The following AGBL1 variants were observed in gnomAD, a reference collection of about 807,000 sequenced individuals.
AGBL1 encodes the protein cytosolic carboxypeptidase 4.
Under a neutral mutation model 118.9 loss-of-function variants are expected in AGBL1, and 130 were observed. The observed-to-expected ratio is 1.09, with a 90% CI of 0.95 to 1.26. AGBL1 has a LOEUF of 1.26. AGBL1 is among the 50% of genes most tolerant of loss of function. The probability of loss-of-function intolerance (pLI) is 0.00; values close to 1 mark genes in which losing one functional copy is unlikely to be tolerated. For synonymous variants in AGBL1, 555 were observed against 478.9 expected, an observed-to-expected ratio of 1.16 and a Z score of -2.08; for missense variants, 1,584 against 1,298.1, an observed-to-expected ratio of 1.22 and a Z score of -3.38.
chr15:86,557,266 G>T (rs1407990086), intron 21 of AGBL1, among the ~76,000 whole-genome samples: 2 of 152,156 alleles, frequency 1.3e-5, no homozygotes, highest in African/African-American at 4.8e-5. Context: ...TCCTTTGGGG[G>T]CTCATTTTTT....
At chr15:86,257,056 T>G (rs917491418) in intron 8 of AGBL1, 38 bp downstream of exon 8, 1 of 1,581,602 alleles carries the variant, frequency 6.3e-7, no homozygotes, top group African/African-American at 1.4e-5. Flanking sequence ...TAAGATGAGT[T>G]TTTGCATTTT....
At position 86,158,944 on chromosome 15, in the gene AGBL1, G is replaced by A. The variant is rs369256384; in HGVS notation, c.406G>A (p.Ala136Thr). 7 of 1,613,160 alleles carry A rather than the reference G, an allele frequency of 4.3e-6. No homozygotes were observed. Among genetic ancestry groups the A allele is most frequent in the Non-Finnish European group, 5.9e-6 (7 of 1,179,384 alleles). The change falls in exon 5 of 23, where the codon GCC (alanine) becomes ACC (threonine). Residue 136 changes from alanine (A) to threonine (T), a missense_variant. Transcript: ENST00000614907. ...RVFASSVSMG[A>T]MLGINGAMEL... ...TTTGTTTTTCTTAGTCTCCATGGGAGCCATGCTGGGAATTAATGGAGCCAT... is the reference window on the plus strand; with the variant it reads ...TTTGTTTTTCTTAGTCTCCATGGGAACCATGCTGGGAATTAATGGAGCCAT...
chr15:86,729,907 C>G (rs1468765235), intron 22 of AGBL1, among the ~76,000 whole-genome samples: 1 of 152,156 alleles, frequency 6.6e-6, no homozygotes, highest in African/African-American at 2.4e-5. Flanking sequence ...TAAGCATTCT[C>G]TTTTCTCCAC....
intron 23 of AGBL1, among the ~76,000 whole-genome samples, chr15:86,945,573 T>A (rs148455324): frequency 6.6e-6 from 1 of 152,116 alleles, no homozygotes. Flanking sequence ...CTTGGGAGGC[T>A]GAGGTGGGAA....
intron 22 of AGBL1, among the ~76,000 whole-genome samples, chr15:86,862,799 T>C (rs2079577176): frequency 6.6e-6 from 1 of 152,158 alleles, no homozygotes; most frequent in Non-Finnish European, 1.5e-5. Flanking sequence ...ACGTAACAGC[T>C]ATTGGTTGTG....
At chr15:86,747,173 T>C (rs1283698688) in intron 22 of AGBL1, among the ~76,000 whole-genome samples, 1 of 152,074 alleles carries the variant, frequency 6.6e-6, no homozygotes, top group Non-Finnish European at 1.5e-5. Flanking sequence ...GATTTCATGC[T>C]GCTTTTCCTT....
At chr15:86,885,144 G>A (rs1171013455) in intron 22 of AGBL1, among the ~76,000 whole-genome samples, 1 of 151,796 alleles carries the variant, frequency 6.6e-6, no homozygotes, top group African/African-American at 2.4e-5. Context: ...ACTGTTCTTT[G>A]TTATGATTCT....
intron 18 of AGBL1, among the ~76,000 whole-genome samples, chr15:86,443,065 C>T (rs1160782672): frequency 6.6e-6 from 1 of 152,194 alleles, no homozygotes; most frequent in African/African-American, 2.4e-5. Flanking sequence ...TATTGTCTGA[C>T]AAGGAGAAAC....
intron 5 of AGBL1, among the ~76,000 whole-genome samples, chr15:86,165,792 C>CA (rs1424017796): frequency 6.6e-6 from 1 of 151,926 alleles, no homozygotes; most frequent in Non-Finnish European, 1.5e-5. Context: ...GGAACAGGAG[C>CA]AAAAAAATTC....
chr15:86,300,753 C>T (rs1206971690), intron 17 of AGBL1, among the ~76,000 whole-genome samples: 3 of 152,172 alleles, frequency 2.0e-5, no homozygotes, highest in East Asian at 1.9e-4. Flanking sequence ...GCTGCATTTG[C>T]AGTTGTTAAA....
chr15:86,617,309 A>G (rs2084743522), intron 21 of AGBL1, among the ~76,000 whole-genome samples: 1 of 152,146 alleles, frequency 6.6e-6, no homozygotes, highest in South Asian at 2.1e-4. Flanking sequence ...GACCTTTCAG[A>G]GTCACTGTTT....
chr15:86,285,427 G>A (rs753922545), intron 16 of AGBL1, among the ~76,000 whole-genome samples: 2 of 152,016 alleles, frequency 1.3e-5, no homozygotes, highest in East Asian at 1.9e-4. Flanking sequence ...ATTGAGTCAC[G>A]GGGGCAGGTC....
At chr15:86,618,877 G>A (rs985346825) in intron 21 of AGBL1, among the ~76,000 whole-genome samples, 1 of 152,070 alleles carries the variant, frequency 6.6e-6, no homozygotes, top group African/African-American at 2.4e-5. Flanking sequence ...TGGACCCTCT[G>A]GCGCTAACTC....
At chr15:86,956,132 G>A (rs536955362) in intron 23 of AGBL1, among the ~76,000 whole-genome samples, 3 of 152,026 alleles carry the variant, frequency 2.0e-5, no homozygotes, top group Non-Finnish European at 4.4e-5. Flanking sequence ...AATATATAAG[G>A]AAAAAGTTAT....
intron 17 of AGBL1, among the ~76,000 whole-genome samples, chr15:86,319,742 AGTTTT>A (rs2080074043): frequency 2.1e-5 from 1 of 46,668 alleles, no homozygotes; most frequent in Non-Finnish European, 4.2e-5. Context: ...CCTCTTTGGT[AGTTTT>A]TTTTTTTTTT....
In AGBL1 at chr15:86,586,956, T is replaced by TA. The variant is rs541978434; in HGVS notation, c.2994+32421dup. The stretch of plus-strand genomic sequence containing the variant: ...CAAAAAAGACCTGTTTAATGAGCTT[T>TA]AAGGGTTTGTGAGGCATGACTCCCC... On this transcript the variant is annotated intron_variant, in intron 21 of 22. Transcript: ENST00000614907. Among the ~76,000 whole-genome samples, 128 of 152,270 alleles carry TA rather than the reference T, an allele frequency of 8.4e-4. 1 individual carries two copies. Among genetic ancestry groups the TA allele is most frequent in the African/African-American group, 2.7e-3 (111 of 41,558 alleles).
intron 17 of AGBL1, among the ~76,000 whole-genome samples, chr15:86,365,393 A>T (rs1262349432): frequency 6.6e-6 from 1 of 152,104 alleles, no homozygotes; most frequent in Non-Finnish European, 1.5e-5. Flanking sequence ...TGGTTGGGAG[A>T]AACTGACAAT....
intron 1 of AGBL1, among the ~76,000 whole-genome samples, chr15:86,119,185 G>A (rs1043965550): frequency 3.9e-5 from 6 of 152,166 alleles, no homozygotes; most frequent in Admixed American, 3.9e-4. Flanking sequence ...GTTTAGTAAA[G>A]CTAATATAAT....
chr15:86,971,881 A>G (rs970244788), intron 23 of AGBL1, among the ~76,000 whole-genome samples: 3 of 151,870 alleles, frequency 2.0e-5, no homozygotes, highest in Non-Finnish European at 4.4e-5. Context: ...TGTTCTCATG[A>G]TAGTGAGTTC....
Sources: gnomAD v4.1 joint callset for allele counts (sites outside exome capture counted in the v4.1 genomes callset) on GRCh38, gnomAD v4.1.1 for gene constraint, MANE v1.5 for transcripts, NCBI Gene and HGNC (gene_info 2026-07-23, HGNC 2026-07-21) for gene names.